The following MSRA variants were observed in gnomAD, a reference collection of about 807,000 sequenced individuals.
The protein encoded by MSRA is mitochondrial peptide methionine sulfoxide reductase.
In MSRA, 54 loss-of-function variants were observed where a neutral mutation model predicts 31.3. The observed-to-expected ratio is 1.73, with a 90% CI of 1.39 to 2.17. The LOEUF (loss-of-function observed/expected upper bound fraction) is 2.17, where lower values mean the gene tolerates loss of function less well. Ranked by LOEUF, MSRA falls within the 30% of genes most tolerant of loss-of-function variation. The pLI is 0.00. For missense variants in MSRA, 507 were observed against 300.9 expected (o/e 1.69, Z -5.07); for synonymous variants, 169 against 116.5 (o/e 1.45, Z -2.90).
intron 1 of MSRA, chr8:10,095,964 T>G (rs751993530): frequency 5.7e-5 from 78 of 1,376,060 alleles, no homozygotes; most frequent in Admixed American, 1.3e-4. Flanking sequence ...ATTAATTTTC[T>G]ACAAAATAAA....
chr8:10,256,108 C>A (rs1160682602), intron 3 of MSRA, among the ~76,000 whole-genome samples: 2 of 152,164 alleles, frequency 1.3e-5, no homozygotes, highest in African/African-American at 2.4e-5. Context: ...CCCTAAAATT[C>A]TCTGTGCTCA....
intron 2 of MSRA, among the ~76,000 whole-genome samples, chr8:10,240,070 G>T (rs958630017): frequency 4.6e-5 from 7 of 152,194 alleles, no homozygotes; most frequent in Non-Finnish European, 1.0e-4. Flanking sequence ...TTGGTCTGAT[G>T]GATGTTATTT....
chr8:10,302,950 G>C (rs540492141), intron 4 of MSRA, among the ~76,000 whole-genome samples: 11 of 152,316 alleles, frequency 7.2e-5, no homozygotes, highest in Non-Finnish European at 1.6e-4. Flanking sequence ...GCAGGTCTGT[G>C]GGCCTAGATT....
chr8:10,417,272 C>G (rs894760048), intron 5 of MSRA, among the ~76,000 whole-genome samples: 15 of 152,180 alleles, frequency 9.9e-5, no homozygotes, highest in African/African-American at 3.6e-4. Context: ...CATTGTCACA[C>G]TGTGGTGGCC....
At chr8:10,373,959 G>T (rs1805617400) in intron 5 of MSRA, among the ~76,000 whole-genome samples, 1 of 152,196 alleles carries the variant, frequency 6.6e-6, no homozygotes. Flanking sequence ...AAGACTGTGG[G>T]CTGGACCCAA....
chr8:10,092,504 A>G (rs1456366007), intron 1 of MSRA, among the ~76,000 whole-genome samples: 1 of 152,210 alleles, frequency 6.6e-6, no homozygotes, highest in Non-Finnish European at 1.5e-5. Flanking sequence ...CTAAAAATAT[A>G]AAAGTTAGCT....
At chr8:10,279,715 A>G (rs12681005) in intron 3 of MSRA, among the ~76,000 whole-genome samples, 4 of 152,182 alleles carry the variant, frequency 2.6e-5, no homozygotes, top group Non-Finnish European at 4.4e-5. Flanking sequence ...TTTGTGAGCT[A>G]TTGAGCAACG....
intron 2 of MSRA, among the ~76,000 whole-genome samples, chr8:10,216,437 A>G (rs891648214): frequency 6.6e-6 from 1 of 152,238 alleles, no homozygotes; most frequent in African/African-American, 2.4e-5. Flanking sequence ...TATGAAATTT[A>G]TCATTGTAAC....
At chr8:10,295,645 A>G (rs533331804) in intron 3 of MSRA, among the ~76,000 whole-genome samples, 1 of 151,954 alleles carries the variant, frequency 6.6e-6, no homozygotes, top group Non-Finnish European at 1.5e-5. Flanking sequence ...GTCATTCTCA[A>G]CTCCAGTCTG....
intron 3 of MSRA, among the ~76,000 whole-genome samples, chr8:10,255,801 T>A (rs543919550): frequency 4.6e-5 from 7 of 150,856 alleles, no homozygotes; most frequent in Admixed American, 1.3e-4. Context: ...CTGCTGGTTT[T>A]TTTTTTAAAA....
At chr8:10,234,047 C>T (rs1251984582) in intron 2 of MSRA, among the ~76,000 whole-genome samples, 1 of 151,990 alleles carries the variant, frequency 6.6e-6, no homozygotes, top group Non-Finnish European at 1.5e-5. Flanking sequence ...GAAATGTATA[C>T]CCAGCTAAAC....
chr8:10,152,919 C>G (rs1451988452), intron 1 of MSRA, among the ~76,000 whole-genome samples: 2 of 152,176 alleles, frequency 1.3e-5, no homozygotes, highest in African/African-American at 4.8e-5. Flanking sequence ...CAGACACATA[C>G]TATGTAATTC....
At chr8:10,313,673 A>G (rs1042171272) in intron 4 of MSRA, among the ~76,000 whole-genome samples, 1 of 152,154 alleles carries the variant, frequency 6.6e-6, no homozygotes, top group Non-Finnish European at 1.5e-5. Context: ...GTTTTTGTGG[A>G]TCTTAAAAGC....
At chr8:10,349,748 C>T (rs1804009351) in intron 5 of MSRA, among the ~76,000 whole-genome samples, 1 of 152,250 alleles carries the variant, frequency 6.6e-6, no homozygotes, top group African/African-American at 2.4e-5. Context: ...AGCTGAGGCT[C>T]TTTTAGGTCT....
intron 1 of MSRA, among the ~76,000 whole-genome samples, chr8:10,125,593 G>A (rs1032153775): frequency 6.6e-6 from 1 of 152,184 alleles, no homozygotes; most frequent in South Asian, 2.1e-4. Context: ...GGGCTAAGGA[G>A]CTTGAACCTG....
chr8:10,139,424 A>T (rs1802518107), intron 1 of MSRA, among the ~76,000 whole-genome samples: 1 of 152,160 alleles, frequency 6.6e-6, no homozygotes, highest in Admixed American at 6.5e-5. Flanking sequence ...GTTTTGTTAC[A>T]TGGATCTGTT....
intron 5 of MSRA, among the ~76,000 whole-genome samples, chr8:10,407,477 T>C (rs543741229): frequency 2.7e-4 from 41 of 152,286 alleles, no homozygotes; most frequent in African/African-American, 9.6e-4. Flanking sequence ...GCTTTACAAT[T>C]AGGACTTGCT....
chr8:10,093,944 G>T (rs2128928725), intron 1 of MSRA, among the ~76,000 whole-genome samples: 1 of 152,296 alleles, frequency 6.6e-6, no homozygotes, highest in African/African-American at 2.4e-5. Flanking sequence ...ACTGCTTTCT[G>T]GTCTCCATGG....
At chr8:10,275,175 G>A (rs1799259033) in intron 3 of MSRA, among the ~76,000 whole-genome samples, 1 of 152,146 alleles carries the variant, frequency 6.6e-6, no homozygotes, top group Non-Finnish European at 1.5e-5. Context: ...AGTAATGTGA[G>A]CAAAGTTACT....
Sources: allele counts gnomAD v4.1 joint callset (sites outside exome capture counted in the v4.1 genomes callset), GRCh38; gene constraint gnomAD v4.1.1; transcripts MANE v1.5; gene names NCBI Gene and HGNC (gene_info 2026-07-23, HGNC 2026-07-21).